Variants in GRM4 observed in about 807,000 individuals in gnomAD.
GRM4 encodes the protein glutamate metabotropic receptor 4, also known as metabotropic glutamate receptor 4.
GRM4 carries 28 observed loss-of-function variants against 81.7 expected under a neutral mutation model. That is an observed-to-expected ratio of 0.34 (90% CI 0.25 to 0.47). The LOEUF is 0.47. Ranked by LOEUF, GRM4 falls within the 20% of genes least tolerant of loss-of-function variation. GRM4 has a pLI of 1.00. For synonymous variants in GRM4, 488 were observed against 528.8 expected (o/e 0.92, Z 1.06); for missense variants, 948 against 1,290.0 (o/e 0.73, Z 4.06).
At chr6:34,109,499 C>T (rs897661642) in intron 2 of GRM4, among the ~76,000 whole-genome samples, 2 of 152,252 alleles carry the variant, frequency 1.3e-5, no homozygotes, top group African/African-American at 4.8e-5. Context: ...CCAGGCCTCC[C>T]GGGCACCAGC....
At chr6:34,058,121 C>A (rs150764028) in intron 5 of GRM4, among the ~76,000 whole-genome samples, 1 of 152,134 alleles carries the variant, frequency 6.6e-6, no homozygotes, top group African/African-American at 2.4e-5. Flanking sequence ...CAGATGTGGT[C>A]TTTGCAGGGA....
At chr6:34,058,915 G>A in intron 5 of GRM4, 59 bp downstream of exon 5, 1 of 1,371,694 alleles carries the variant, frequency 7.3e-7, no homozygotes. Flanking sequence ...AAGCCGAGGA[G>A]GGATGGCAGG....
At chr6:34,103,631 G>T (rs986884632) in intron 2 of GRM4, 2 of 1,535,072 alleles carry the variant, frequency 1.3e-6, no homozygotes, top group East Asian at 2.4e-5. Flanking sequence ...AGTGATCTGT[G>T]GGGGAGGCCG....
rs2127463720 is a variant in GRM4, at chr6:34,064,214, G to A, written c.737-2186C>T. Among the ~76,000 whole-genome samples, 1 of 152,172 alleles carries A rather than the reference G, an allele frequency of 6.6e-6. No homozygotes were observed. Among genetic ancestry groups the A allele is most frequent in the Middle Eastern group, 3.4e-3 (1 of 294 alleles). ...ACCAGAAGGGAGTGCGGGGGGCGGGGGTGTGCAGAGCTCCGTAATACTAAT... is the reference window on the plus strand; with the variant it reads ...ACCAGAAGGGAGTGCGGGGGGCGGGAGTGTGCAGAGCTCCGTAATACTAAT... On this transcript the variant is annotated intron_variant, in intron 3 of 10. Transcript: ENST00000538487. This position sits in a 1 kb window ranked among gnomAD's most constrained non-coding sequence, Gnocchi z 4.4.
intron 2 of GRM4, chr6:34,101,934 G>A: frequency 7.6e-7 from 1 of 1,308,380 alleles, no homozygotes; most frequent in Admixed American, 2.2e-5. Flanking sequence ...TTCTCTCCCG[G>A]AGGCCAGGGG....
At chr6:34,029,571 AC>A (rs1440652701) in intron 9 of GRM4, among the ~76,000 whole-genome samples, 18 of 152,126 alleles carry the variant, frequency 1.2e-4, no homozygotes, top group African/African-American at 4.3e-4. Flanking sequence ...TGGGTTTCCT[AC>A]CTTTGGGAGA....
rs1262603869 is a variant in GRM4 at position 34,053,636 on chromosome 6, CCT to C, written c.1168+2906_1168+2907del. ...AGGGCGCACGCCTGATTTAGGGCAC[CCT>C]CCTGATTTAGGAGGGGCGTCACCCA... is the stretch of plus-strand genomic sequence containing the variant. On this transcript the variant is annotated intron_variant, in intron 6 of 10. Transcript: ENST00000538487. 2.0e-5 allele frequency among the ~76,000 whole-genome samples: 3 copies of C among 152,166 alleles called. No homozygotes were observed. The East Asian group carries it at 5.8e-4, about 29-fold the overall frequency.
intron 6 of GRM4, among the ~76,000 whole-genome samples, chr6:34,044,521 C>T (rs1331724819): frequency 6.7e-6 from 1 of 148,902 alleles, no homozygotes; most frequent in Admixed American, 6.7e-5. Flanking sequence ...CACAGACATA[C>T]ATACATACAC....
chr6:34,073,109 CAT>C (rs1767077283), intron 3 of GRM4, among the ~76,000 whole-genome samples: 1 of 96,766 alleles, frequency 1.0e-5, no homozygotes, highest in African/African-American at 4.0e-5. Flanking sequence ...CACACACACA[CAT>C]CACCACACAG....
intron 2 of GRM4, chr6:34,103,937 CCT>C: frequency 9.2e-7 from 1 of 1,081,396 alleles, no homozygotes. Context: ...CAGCCATGCA[CCT>C]CTCTCACACA....
rs142530047 is a variant in GRM4, at chr6:34,043,231, C to T, written c.1169-2483G>A. Reference sequence around the variant, plus strand: ...GCTAACCAGCAACACTTTTTCCAGGCCAAGGCACAAACAGACAGGATGAAC... The same window carrying T: ...GCTAACCAGCAACACTTTTTCCAGGTCAAGGCACAAACAGACAGGATGAAC... On this transcript the variant is annotated intron_variant, in intron 6 of 10. Coordinates refer to ENST00000538487, the MANE Select transcript of GRM4 (RefSeq NM_000841.4). Among the ~76,000 whole-genome samples, 155 of 152,248 alleles carry T rather than the reference C, an allele frequency of 1.0e-3. 2 individuals carry two copies. The East Asian group carries it at 0.022, about 21-fold the overall frequency.
chr6:34,032,614 G>A (rs58051205), intron 9 of GRM4, among the ~76,000 whole-genome samples: 10 of 152,314 alleles, frequency 6.6e-5, no homozygotes, highest in South Asian at 6.2e-4. Context: ...CCAGCCTGTC[G>A]TATGACCTGG....
chr6:34,056,837 G>A (rs973128272), intron 5 of GRM4, among the ~76,000 whole-genome samples, 153 bp from the exon 6 acceptor site: 1 of 152,214 alleles, frequency 6.6e-6, no homozygotes. Context: ...AAAATGTGGA[G>A]CATTTCGTTT....
chr6:34,032,151 C>T (rs1259483165), intron 9 of GRM4, among the ~76,000 whole-genome samples: 1 of 152,176 alleles, frequency 6.6e-6, no homozygotes, highest in Non-Finnish European at 1.5e-5. Context: ...TCAGCCTACA[C>T]ATCCATACAC....
At chr6:34,025,473 C>A (rs371670572) in intron 10 of GRM4, among the ~76,000 whole-genome samples, 58 of 152,296 alleles carry the variant, frequency 3.8e-4, no homozygotes, top group East Asian at 3.7e-3. Flanking sequence ...CCAGGGGCAG[C>A]TGCAGACTAG....
intron 1 of GRM4, among the ~76,000 whole-genome samples, chr6:34,138,109 C>T (rs541138416): frequency 9.9e-4 from 151 of 152,326 alleles, no homozygotes; most frequent in Non-Finnish European, 2.0e-3. Flanking sequence ...AAAACCCAAA[C>T]ACCAGAATAA....
In GRM4 at chr6:34,152,401, G is replaced by A. The variant is rs1242637182; in HGVS notation, c.312+2678C>T. ...AGAAGGGGTATTGTGGTCTGGTCCT[G>A]GGGCTGAGGTCACAGCTGCACTGCC... On this transcript the variant is annotated intron_variant, in intron 1 of 8. Transcript: ENST00000374177. The surrounding 1 kb of genome is among the most constrained non-coding windows in gnomAD (Gnocchi z 4.1). 2.6e-5 allele frequency among the ~76,000 whole-genome samples: 4 copies of A among 152,186 alleles called. No homozygotes were observed. The highest frequency in any genetic ancestry group is 4.8e-5 in the African/African-American group (2 of 41,446).
chr6:34,030,158 CA>C (rs1764341961), intron 9 of GRM4, among the ~76,000 whole-genome samples: 1 of 152,240 alleles, frequency 6.6e-6, no homozygotes, highest in South Asian at 2.1e-4. Context: ...AGCATCAAAA[CA>C]GACGCTTGGG....
Position 34,080,514 on chromosome 6 carries a change from T to C in GRM4, c.736+11369A>G, listed in dbSNP as rs1767529023. Among the ~76,000 whole-genome samples the C allele has an allele frequency of 6.6e-6, 1 of 152,154 alleles. No individual in the cohort carries two copies. Among genetic ancestry groups the C allele is most frequent in the Non-Finnish European group, 1.5e-5 (1 of 68,032 alleles). On this transcript the variant is annotated intron_variant, in intron 3 of 10. Transcript: ENST00000538487. The surrounding 1 kb of genome is among the most constrained non-coding windows in gnomAD (Gnocchi z 5.4). The stretch of plus-strand genomic sequence containing the variant: ...TAGTCAGTGCTCAATAAATATTCAT[T>C]CTGCAGATGAATAAATTACTGTGGA...
Sources: allele counts gnomAD v4.1 joint callset (sites outside exome capture counted in the v4.1 genomes callset), GRCh38; gene constraint gnomAD v4.1.1; non-coding constraint Gnocchi (gnomAD v3.1); transcripts MANE v1.5; gene names NCBI Gene and HGNC (gene_info 2026-07-23, HGNC 2026-07-21).